The following FNDC8 variants were observed in gnomAD, a reference collection of about 807,000 sequenced individuals.
FNDC8 encodes the protein fibronectin type III domain-containing protein 8.
In FNDC8, 23 loss-of-function variants were observed where a neutral mutation model predicts 24.8. The ratio of observed to expected loss-of-function variants is 0.93; its 90% CI spans 0.67 to 1.31. The LOEUF (loss-of-function observed/expected upper bound fraction) is 1.31, where lower values mean the gene tolerates loss of function less well. Among genes scored for constraint, FNDC8 ranks in the 40% most tolerant of loss-of-function variants. FNDC8 has a pLI of 0.00. For synonymous variants in FNDC8, 158 were observed against 165.3 expected (o/e 0.96, Z 0.34); for missense variants, 371 against 398.2 (o/e 0.93, Z 0.58).
Position 35,130,664 on chromosome 17 carries a change from A to G in FNDC8, c.*230A>G, listed in dbSNP as rs2091871645. On this transcript the variant is annotated 3_prime_UTR_variant, in exon 4 of 4. Transcript: ENST00000158009. ...GGCTCAGCCACTGCCCACAGCTGCTAGACTCCCTCCTCCTCCAAATCTGGG... is the reference window on the plus strand; with the variant it reads ...GGCTCAGCCACTGCCCACAGCTGCTGGACTCCCTCCTCCTCCAAATCTGGG... The G allele has an allele frequency of 1.9e-6, 1 of 535,882 alleles. No individual in the cohort carries two copies. Among genetic ancestry groups the G allele is most frequent in the East Asian group, 3.1e-5 (1 of 31,974 alleles). The allele number at this position is 535,882 out of a possible 1,614,324, so 33.2% of individuals were successfully genotyped here. A position where few individuals can be genotyped will look rare whatever the true frequency, so the allele number is the denominator to read the frequency against.
chr17:35,127,389 A>T lies in FNDC8; in HGVS notation c.557A>T (p.Glu186Val). The T allele has an allele frequency of 6.4e-7, 1 of 1,570,306 alleles. No homozygotes were observed. Among genetic ancestry groups the T allele is most frequent in the South Asian group, 1.2e-5 (1 of 84,466 alleles). Reference protein sequence around the residue: ...VDLPDTPFIFEHTVNNSTAVI... With the variant: ...VDLPDTPFIFVHTVNNSTAVI... ...CTGCCGGACACCCCCTTCATCTTTGAGCACACCGTCAACAATTCCACAGCT... is the reference window on the plus strand; with the variant it reads ...CTGCCGGACACCCCCTTCATCTTTGTGCACACCGTCAACAATTCCACAGCT... The change falls in exon 2 of 4, where the codon GAG becomes GTG. Residue 186 changes from glutamate (E) to valine (V), a missense_variant. Physicochemically the swap from Glu to Val is moderately radical, Grantham distance 121 (BLOSUM62 -2). Coordinates refer to ENST00000158009, the MANE Select transcript of FNDC8 (RefSeq NM_017559.4).
intron 1 of FNDC8, among the ~76,000 whole-genome samples, chr17:35,126,749 C>T (rs893008595): frequency 1.3e-5 from 2 of 152,162 alleles, no homozygotes; most frequent in African/African-American, 4.8e-5. Context: ...ATCTGCCTGC[C>T]TCGGCCTCCC....
chr17:35,127,395 C>T lies in FNDC8; in HGVS notation c.563C>T (p.Thr188Ile), dbSNP rs2091853789. The T allele has an allele frequency of 6.4e-7, 1 of 1,564,222 alleles. No homozygotes were observed. ...GACACCCCCTTCATCTTTGAGCACACCGTCAACAATTCCACAGCTGTGGTG... is the reference window on the plus strand; with the variant it reads ...GACACCCCCTTCATCTTTGAGCACATCGTCAACAATTCCACAGCTGTGGTG... ...LPDTPFIFEH[T>I]VNNSTAVISW... Residue 188 changes from threonine to isoleucine, a missense_variant, in exon 2 of 4, where the codon ACC becomes ATC. Coordinates refer to ENST00000158009, the MANE Select transcript of FNDC8 (RefSeq NM_017559.4).
At chr17:35,124,699 A>G (rs2091842261) in intron 1 of FNDC8, among the ~76,000 whole-genome samples, 1 of 152,216 alleles carries the variant, frequency 6.6e-6, no homozygotes, top group Admixed American at 6.5e-5. Context: ...AAGGTAAAAA[A>G]AGATTTGAAA....
chr17:35,130,112 A>T, intron 3 of FNDC8, 170 bp from the exon 4 acceptor site: 1 of 1,434,412 alleles, frequency 7.0e-7, no homozygotes, highest in South Asian at 1.5e-5. Flanking sequence ...GAGGAGGTAC[A>T]GGCTTGAGTC....
chr17:35,130,241 T>C (rs1224388304), intron 3 of FNDC8, 41 bp from the exon 4 acceptor site: 2 of 1,603,160 alleles, frequency 1.2e-6, no homozygotes, highest in African/African-American at 2.7e-5. Context: ...CAGGTTCAGA[T>C]CTGGGAAGGA....
At chr17:35,122,000 T>C in intron 1 of FNDC8, 98 bp downstream of exon 1, 1 of 959,012 alleles carries the variant, frequency 1.0e-6, no homozygotes, top group Non-Finnish European at 1.5e-6. Flanking sequence ...TTTTTTTTTT[T>C]TTTTGACAGG....
At chr17:35,122,635 CTCTCTTTGG>C (rs1451001995) in intron 1 of FNDC8, among the ~76,000 whole-genome samples, 1 of 152,130 alleles carries the variant, frequency 6.6e-6, no homozygotes, top group Admixed American at 6.5e-5. Context: ...CCTCAACCCT[CTCTCTTTGG>C]TACCTTCATC....
rs1489786738 is a variant in FNDC8, at chr17:35,121,824, C to CCGT, written c.133_135dup (p.Val45dup). 1 of 1,613,750 alleles carries CCGT rather than the reference C, an allele frequency of 6.2e-7. No homozygotes were observed. The highest frequency in any genetic ancestry group is 1.7e-5 in the Admixed American group (1 of 59,970). On this transcript the variant is annotated inframe_insertion, in exon 1 of 4. Transcript: ENST00000158009. ...TCAAACCCCAAGTCTATGAACCGGA[C>CCGT]CGTCACTACCAAAGGACTCCCACTA...
In FNDC8 at chr17:35,129,565, C is replaced by G. The variant is rs1396683273; in HGVS notation, c.729C>G (p.Val243=). The G allele has an allele frequency of 1.2e-6, 2 of 1,614,174 alleles. No individual in the cohort carries two copies. Among genetic ancestry groups the G allele is most frequent in the East Asian group, 4.5e-5 (2 of 44,890 alleles). ...TCAACAAGATTTTGGGCACTACTGT[C>G]AAGCTGATGGAGCTAAAGCCTAACA... ...WIFNKILGTT[V]KLMELKPNTC... is the part of the protein sequence containing the mutation. Residue 243 remains valine, a synonymous_variant, in exon 3 of 4, where the codon GTC becomes GTG. Coordinates refer to ENST00000158009, the MANE Select transcript of FNDC8 (RefSeq NM_017559.4).
At position 35,129,480 on chromosome 17, in the gene FNDC8, A is replaced by G. The variant is rs1453040200; in HGVS notation, c.644A>G (p.Gln215Arg). ...GTCAGTTTCTACCAGCTCCTGTTACAGGAGGTGGCCAAGACACAGGAGAAT... is the reference window on the plus strand; with the variant it reads ...GTCAGTTTCTACCAGCTCCTGTTACGGGAGGTGGCCAAGACACAGGAGAAT... ...QPVSFYQLLL[Q>R]EVAKTQENEL... Residue 215 changes from glutamine to arginine, a missense_variant, in exon 3 of 4, where the codon CAG (glutamine) becomes CGG (arginine). By Grantham distance (43) the Gln-to-Arg change is conservative. Transcript: ENST00000158009. 3 of 1,614,076 alleles carry G rather than the reference A, an allele frequency of 1.9e-6. No individual in the cohort carries two copies. Among genetic ancestry groups the G allele is most frequent in the East Asian group, 2.2e-5 (1 of 44,888 alleles).
intron 1 of FNDC8, among the ~76,000 whole-genome samples, chr17:35,126,090 T>G (rs2091848206): frequency 6.6e-6 from 1 of 152,022 alleles, no homozygotes; most frequent in African/African-American, 2.4e-5. Context: ...CCAGCTAATT[T>G]TTTGTATTTT....
chr17:35,128,084 C>G (rs2091856051), intron 2 of FNDC8, among the ~76,000 whole-genome samples: 1 of 152,202 alleles, frequency 6.6e-6, no homozygotes, highest in Non-Finnish European at 1.5e-5. Context: ...CAGTGTTAGA[C>G]TACTTTATAG....
At chr17:35,126,683 A>G (rs2091850559) in intron 1 of FNDC8, among the ~76,000 whole-genome samples, 1 of 151,864 alleles carries the variant, frequency 6.6e-6, no homozygotes, top group African/African-American at 2.4e-5. Context: ...TTGTGTTTTT[A>G]GTGGAGACAG....
At chr17:35,122,210 A>ATATATTTT (rs1567738668) in intron 1 of FNDC8, among the ~76,000 whole-genome samples, 1 of 44,796 alleles carries the variant, frequency 2.2e-5, no homozygotes, top group African/African-American at 7.8e-5. Flanking sequence ...ATATATATAA[A>ATATATTTT]TTTTTTTTTT....
chr17:35,129,586 T>C lies in FNDC8; in HGVS notation c.750T>C (p.Pro250=), dbSNP rs1168556064. The stretch of plus-strand genomic sequence containing the variant: ...CTGTCAAGCTGATGGAGCTAAAGCC[T>C]AACACGTGTTACTGCCTCAGTGTCC... ...GTTVKLMELK[P]NTCYCLSVRA... is the part of the protein sequence containing the mutation. The change falls in exon 3 of 4, where the codon CCT becomes CCC. Residue 250 remains proline (P), a synonymous_variant. Transcript: ENST00000158009. 1 of 1,614,082 alleles carries C rather than the reference T, an allele frequency of 6.2e-7. No homozygotes were observed. The highest frequency in any genetic ancestry group is 1.7e-5 in the Admixed American group (1 of 60,010).
intron 1 of FNDC8, among the ~76,000 whole-genome samples, chr17:35,124,728 G>A (rs1039359404): frequency 6.6e-6 from 1 of 151,994 alleles, no homozygotes; most frequent in Non-Finnish European, 1.5e-5. Context: ...TTTTGGCTTG[G>A]TGTTCTTCAT....
In FNDC8 at chr17:35,130,469, C is replaced by T. The variant is rs1205732150; in HGVS notation, c.*35C>T. 1 of 1,598,364 alleles carries T rather than the reference C, an allele frequency of 6.3e-7. No individual in the cohort carries two copies. Among genetic ancestry groups the T allele is most frequent in the Non-Finnish European group, 8.5e-7 (1 of 1,170,952 alleles). ...CCCCAGGACACCCCTCACCTACTTT[C>T]AGCTTCAACCCCAGGCCCTCAGAAA... is the stretch of plus-strand genomic sequence containing the variant. On this transcript the variant is annotated 3_prime_UTR_variant, in exon 4 of 4. Transcript: ENST00000158009.
At chr17:35,125,914 T>C (rs2091847449) in intron 1 of FNDC8, among the ~76,000 whole-genome samples, 1 of 152,104 alleles carries the variant, frequency 6.6e-6, no homozygotes, top group Non-Finnish European at 1.5e-5. Context: ...CACCAACATA[T>C]GTATATTTGT....
Sources: gnomAD v4.1 joint callset for allele counts (sites outside exome capture counted in the v4.1 genomes callset) on GRCh38, gnomAD v4.1.1 for gene constraint, MANE v1.5 for transcripts, NCBI Gene and HGNC (gene_info 2026-07-23, HGNC 2026-07-21) for gene names.